MAP2: variants seen among roughly 807,000 people sequenced by gnomAD.
MAP2 encodes the protein microtubule-associated protein 2.
A neutral mutation model predicts 137.6 loss-of-function variants in MAP2; 14 were observed. The observed-to-expected ratio is 0.10, with a 90% confidence interval of 0.07 to 0.16. The LOEUF is 0.16. MAP2 is among the 10% of genes least tolerant of loss of function. MAP2 has a pLI of 1.00. For missense variants in MAP2, 2,088 were observed against 2,191.5 expected (o/e 0.95, Z 0.94); for synonymous variants, 786 against 782.3 (o/e 1.00, Z -0.08).
intron 5 of MAP2, 67 bp from the exon 6 acceptor site, chr2:209,678,505 T>A: frequency 1.3e-6 from 1 of 761,764 alleles, no homozygotes; most frequent in Non-Finnish European, 2.1e-6. Flanking sequence ...TACTGTTTGG[T>A]TACTTTTCCT....
intron 4 of MAP2, among the ~76,000 whole-genome samples, chr2:209,636,966 C>T (rs1303333379): frequency 6.6e-6 from 1 of 152,102 alleles, no homozygotes; most frequent in Non-Finnish European, 1.5e-5. Flanking sequence ...ACAAAGACTT[C>T]CCAGCTTGTA....
chr2:209,467,539 C>A (rs185409376), intron 1 of MAP2, among the ~76,000 whole-genome samples: 196 of 152,294 alleles, frequency 1.3e-3, no homozygotes, highest in African/African-American at 4.5e-3. Flanking sequence ...TTTCTCTTTA[C>A]ATTCTTCTCA....
chr2:209,705,633 C>T lies in MAP2; in HGVS notation c.4638C>T (p.Ser1546=), dbSNP rs1288669496. The stretch of plus-strand genomic sequence containing the variant: ...GCTCTTCTCTCCCAAGACCTTCCTC[C>T]ATTCTCCCTCCTCGGCGAGGTGTGT... The part of the protein sequence containing the change: ...EKRSSLPRPS[S]ILPPRRGVSG... The change falls in exon 12 of 16, where the codon TCC becomes TCT. Residue 1546 remains serine, a synonymous_variant. Transcript: ENST00000682079. 4 of 1,613,014 alleles carry T rather than the reference C, an allele frequency of 2.5e-6. No individual in the cohort carries two copies. The South Asian group carries it at 4.4e-5, about 18-fold the overall frequency.
At chr2:209,704,765 A>G (rs2062872753) in intron 11 of MAP2, 1 of 645,906 alleles carries the variant, frequency 1.5e-6, no homozygotes, top group South Asian at 6.6e-5. Flanking sequence ...TTTTAAAAAC[A>G]AATACAAATT....
At chr2:209,544,184 G>A (rs1056090257) in intron 2 of MAP2, among the ~76,000 whole-genome samples, 3 of 151,792 alleles carry the variant, frequency 2.0e-5, no homozygotes, top group African/African-American at 7.3e-5. Flanking sequence ...AGTGAGCTGA[G>A]ATCACACCAC....
At chr2:209,619,359 A>G (rs892452302) in intron 3 of MAP2, among the ~76,000 whole-genome samples, 3 of 152,178 alleles carry the variant, frequency 2.0e-5, no homozygotes, top group Admixed American at 1.3e-4. Context: ...TACAATGTAT[A>G]CATATTTCAA....
chr2:209,649,724 A>G (rs1006263805), intron 4 of MAP2, among the ~76,000 whole-genome samples: 1 of 152,200 alleles, frequency 6.6e-6, no homozygotes, highest in Non-Finnish European at 1.5e-5. Context: ...CAAAAAGCTC[A>G]ATAAATTAAA....
chr2:209,606,556 A>G (rs2084833502), intron 3 of MAP2, among the ~76,000 whole-genome samples: 1 of 152,140 alleles, frequency 6.6e-6, no homozygotes, highest in Admixed American at 6.6e-5. Flanking sequence ...ATTGGGGTTA[A>G]AAAATAGAGT....
intron 13 of MAP2, among the ~76,000 whole-genome samples, chr2:209,713,911 A>G (rs977210013): frequency 2.0e-5 from 3 of 152,134 alleles, no homozygotes; most frequent in African/African-American, 7.2e-5. Flanking sequence ...CAAGTTGGCC[A>G]GGTGTGGTGG....
intron 2 of MAP2, among the ~76,000 whole-genome samples, chr2:209,524,351 C>G (rs1368438181): frequency 6.6e-6 from 1 of 151,402 alleles, no homozygotes; most frequent in Non-Finnish European, 1.5e-5. Context: ...TTTTAACACA[C>G]ATAATCCAGA....
In MAP2 at chr2:209,443,303, T is replaced by G. The variant is rs1206934710; in HGVS notation, c.-222+19027T>G. 2.0e-5 allele frequency among the ~76,000 whole-genome samples: 3 copies of G among 151,580 alleles called. No homozygotes were observed. In the Admixed American group the frequency reaches 2.0e-4, roughly 10 times the overall value. The stretch of plus-strand genomic sequence containing the variant: ...TTTCTATCCCACTGTCTATTTATAC[T>G]TCTTGCAGGAAGTAACCATCATATT... On this transcript the variant is annotated intron_variant, in intron 1 of 15. Transcript: ENST00000682079.
At chr2:209,571,990 C>T (rs2074471951) in intron 2 of MAP2, among the ~76,000 whole-genome samples, 1 of 151,064 alleles carries the variant, frequency 6.6e-6, no homozygotes. Flanking sequence ...CAAAATTTGT[C>T]AGTGAAATAT....
intron 3 of MAP2, among the ~76,000 whole-genome samples, chr2:209,597,898 A>G (rs2153452168): frequency 6.6e-6 from 1 of 152,114 alleles, no homozygotes; most frequent in East Asian, 1.9e-4. Flanking sequence ...CTTGACCATT[A>G]TATACTTTCA....
At chr2:209,639,805 T>G (rs2093866803) in intron 4 of MAP2, among the ~76,000 whole-genome samples, 1 of 151,976 alleles carries the variant, frequency 6.6e-6, no homozygotes, top group South Asian at 2.1e-4. Flanking sequence ...TTAGCGAGCA[T>G]TTGTTGTGGA....
At chr2:209,475,657 A>G (rs1196543984) in intron 1 of MAP2, among the ~76,000 whole-genome samples, 1 of 152,154 alleles carries the variant, frequency 6.6e-6, no homozygotes. Flanking sequence ...GGCAATAAAA[A>G]AATTCAGCCT....
At position 209,696,310 on chromosome 2, in the gene MAP2, C is replaced by T; in HGVS notation, c.4140C>T (p.Asp1380=). 1.9e-6 allele frequency: 3 copies of T among 1,581,162 alleles called. No homozygotes were observed. The highest frequency in any genetic ancestry group is 2.4e-5 in the South Asian group (2 of 84,440). ...DDYKDETTID[D]SIMDADSLWV... ...ACAAAGATGAGACCACCATTGACGA[C>T]TCCATCATGGACGCTGACAGCCTCT... Residue 1380 remains aspartate (D), a synonymous_variant, in exon 8 of 16, where the codon GAC becomes GAT. Coordinates refer to ENST00000682079, the MANE Select transcript of MAP2 (RefSeq NM_001375505.1).
At chr2:209,564,556 T>TAAAAAAAAAAAAAAAAAAAA in intron 2 of MAP2, among the ~76,000 whole-genome samples, 1 of 55,994 alleles carries the variant, frequency 1.8e-5, no homozygotes, top group Non-Finnish European at 3.7e-5. Flanking sequence ...CTCTGTGGAG[T>TAAAAAAAAAAAAAAAAAAAA]AAAAAAAAAA....
At chr2:209,537,341 A>G (rs901059743) in intron 2 of MAP2, among the ~76,000 whole-genome samples, 10 of 152,214 alleles carry the variant, frequency 6.6e-5, no homozygotes, top group African/African-American at 1.9e-4. Context: ...TTTTCCATAT[A>G]AGTTGAATTA....
Position 209,454,742 on chromosome 2 carries a change from GATA to G in MAP2, c.-222+30471_-222+30473del, listed in dbSNP as rs1214523816. ...TAGTTGCATTATTATGTAAATATAT[GATA>G]ATAACAAATATTTGTGTACTAGACT... On this transcript the variant is annotated intron_variant, in intron 1 of 15. Transcript: ENST00000682079. Among the ~76,000 whole-genome samples, 8 of 152,244 alleles carry G rather than the reference GATA, an allele frequency of 5.3e-5. No individual in the cohort carries two copies. The East Asian group carries it at 1.5e-3, about 29-fold the overall frequency.
Sources: allele counts gnomAD v4.1 joint callset (sites outside exome capture counted in the v4.1 genomes callset), GRCh38; gene constraint gnomAD v4.1.1; transcripts MANE v1.5; gene names NCBI Gene and HGNC (gene_info 2026-07-23, HGNC 2026-07-21).